The following TMEM132C variants were observed in gnomAD, a reference collection of about 807,000 sequenced individuals.
TMEM132C encodes the protein protein phosphatase 1, regulatory subunit 152.
In TMEM132C, 29 loss-of-function variants were observed where a neutral mutation model predicts 61.4. That is an observed-to-expected ratio of 0.47 (90% CI 0.35 to 0.64). TMEM132C has a LOEUF of 0.64. Among genes scored for constraint, TMEM132C ranks in the 30% least tolerant of loss-of-function variants. The pLI is 0.00. For synonymous variants in TMEM132C, 656 were observed against 633.1 expected, an observed-to-expected ratio of 1.04 and a Z score of -0.54; for missense variants, 1,408 against 1,476.9, an observed-to-expected ratio of 0.95 and a Z score of 0.76.
intron 8 of TMEM132C, among the ~76,000 whole-genome samples, chr12:128,698,775 C>A (rs938272690): frequency 6.6e-6 from 1 of 152,188 alleles, no homozygotes; most frequent in Non-Finnish European, 1.5e-5. Flanking sequence ...AATAGGCAGG[C>A]GGTCTGGGGA....
In TMEM132C at chr12:128,705,349, A is replaced by T; in HGVS notation, c.2381A>T (p.Asn794Ile). 3.2e-6 allele frequency: 5 copies of T among 1,551,466 alleles called. No individual in the cohort carries two copies. Among genetic ancestry groups the T allele is most frequent in the Non-Finnish European group, 4.4e-6 (5 of 1,146,938 alleles). Residue 794 changes from asparagine to isoleucine, a missense_variant, in exon 9 of 9, where the codon AAC becomes ATC. Asn to Ile is a moderately radical substitution (Grantham distance 149). Transcript: ENST00000435159. ...AGCATCCTGGCTGTGGGCGTCGGCA[A>T]CGTCAGGGTCAAGTTCGGACAGAAC... ...RKSILAVGVG[N>I]VRVKFGQNDA...
At chr12:128,335,555 C>T (rs1319438262) in intron 1 of TMEM132C, among the ~76,000 whole-genome samples, 1 of 152,194 alleles carries the variant, frequency 6.6e-6, no homozygotes, top group Non-Finnish European at 1.5e-5. Context: ...GACAGCACTC[C>T]TGCCTGAATA....
intron 2 of TMEM132C, among the ~76,000 whole-genome samples, chr12:128,456,264 G>T (rs1471942565): frequency 2.0e-5 from 3 of 151,142 alleles, no homozygotes; most frequent in African/African-American, 7.3e-5. Flanking sequence ...AGATGTTTGC[G>T]TGATTTGCGT....
chr12:128,646,565 A>C (rs1253694232), intron 4 of TMEM132C, among the ~76,000 whole-genome samples: 2 of 131,852 alleles, frequency 1.5e-5, no homozygotes, highest in Non-Finnish European at 3.1e-5. Flanking sequence ...ATTGGATATG[A>C]GTGTGTTTAC....
rs200055238 is a variant in TMEM132C, at chr12:128,521,307, GTATA to G, written c.975-22640_975-22637del. On this transcript the variant is annotated intron_variant, in intron 2 of 8. Coordinates refer to ENST00000435159, the MANE Select transcript of TMEM132C (RefSeq NM_001136103.3). ...GACATCTGTGCTTCTGTATATATGTGTATATATATATATGTGTGTGTGTGTGTGT... is the reference window on the plus strand; with the variant it reads ...GACATCTGTGCTTCTGTATATATGTGTATATATATGTGTGTGTGTGTGTGT... Among the ~76,000 whole-genome samples, 337 of 147,712 alleles carry G rather than the reference GTATA, an allele frequency of 2.3e-3. 7 individuals are homozygous for G. In the East Asian group the frequency reaches 0.049, roughly 21 times the overall value.
At chr12:128,372,318 A>C (rs987512171) in intron 1 of TMEM132C, among the ~76,000 whole-genome samples, 1 of 152,202 alleles carries the variant, frequency 6.6e-6, no homozygotes, top group Non-Finnish European at 1.5e-5. Flanking sequence ...TCTGTGAGTT[A>C]GTTTCAGTGA....
rs1008723724 is a variant in TMEM132C at position 128,705,543 on chromosome 12, A to G, written c.2575A>G (p.Thr859Ala). The change falls in exon 9 of 9, where the codon ACG becomes GCG. Residue 859 changes from threonine to alanine, a missense_variant. Physicochemically the swap from Thr to Ala is moderately conservative, Grantham distance 58. Transcript: ENST00000435159. ...AGGGGCTCTCCGAAGAGCCACTACC[A>G]CGGCCAGGTCCCTGCTGGACAACAA... is the stretch of plus-strand genomic sequence containing the variant. Reference protein sequence around the residue: ...EEGALRRATTTARSLLDNKVV... With the variant: ...EEGALRRATTAARSLLDNKVV... 1.3e-6 allele frequency: 2 copies of G among 1,550,978 alleles called. No individual in the cohort carries two copies. Among genetic ancestry groups the G allele is most frequent in the African/African-American group, 2.7e-5 (2 of 73,056 alleles).
chr12:128,658,207 T>C (rs1954347758), intron 4 of TMEM132C, among the ~76,000 whole-genome samples: 1 of 141,478 alleles, frequency 7.1e-6, no homozygotes, highest in Non-Finnish European at 1.5e-5. Flanking sequence ...GCAGCTCCCA[T>C]GGAGGCCACA....
intron 3 of TMEM132C, 72 bp from the exon 4 acceptor site, chr12:128,616,080 C>G: frequency 6.8e-7 from 1 of 1,469,980 alleles, no homozygotes; most frequent in South Asian, 1.4e-5. Flanking sequence ...TTATCTTCTG[C>G]GTACTATTAT....
intron 2 of TMEM132C, among the ~76,000 whole-genome samples, chr12:128,448,412 A>G (rs1870063650): frequency 6.6e-6 from 1 of 152,196 alleles, no homozygotes; most frequent in South Asian, 2.1e-4. Flanking sequence ...CCAGTCAGCT[A>G]GGCAGCTCTG....
At chr12:128,656,922 G>A (rs1954331066) in intron 4 of TMEM132C, among the ~76,000 whole-genome samples, 2 of 152,120 alleles carry the variant, frequency 1.3e-5, no homozygotes, top group African/African-American at 4.8e-5. Context: ...TATTTTCCTA[G>A]CCCCTGCCTT....
At chr12:128,318,373 A>G (rs1251849579) in intron 1 of TMEM132C, among the ~76,000 whole-genome samples, 1 of 152,160 alleles carries the variant, frequency 6.6e-6, no homozygotes, top group South Asian at 2.1e-4. Flanking sequence ...CATGTAACCA[A>G]CCTACTGGCT....
intron 2 of TMEM132C, among the ~76,000 whole-genome samples, chr12:128,539,391 C>T (rs1203993203): frequency 2.0e-5 from 3 of 152,084 alleles, no homozygotes; most frequent in South Asian, 2.1e-4. Context: ...CCGAGGTGGG[C>T]GGATCACAAG....
intron 5 of TMEM132C, among the ~76,000 whole-genome samples, chr12:128,672,147 G>A (rs1954538359): frequency 6.6e-6 from 1 of 151,632 alleles, no homozygotes. Context: ...TTTACACTAA[G>A]TCTTTGAAAT....
At chr12:128,516,453 T>A (rs1252256651) in intron 2 of TMEM132C, among the ~76,000 whole-genome samples, 1 of 152,094 alleles carries the variant, frequency 6.6e-6, no homozygotes, top group Non-Finnish European at 1.5e-5. Flanking sequence ...GGACACAGGA[T>A]GGCTCTAGGA....
chr12:128,703,097 ATCCTGCC>A (rs1317921850), intron 8 of TMEM132C, among the ~76,000 whole-genome samples: 1 of 151,916 alleles, frequency 6.6e-6, no homozygotes, highest in African/African-American at 2.4e-5. Flanking sequence ...TCCAGCCCTG[ATCCTGCC>A]TCTTCCTAAC....
chr12:128,374,353 C>T (rs923369842), intron 1 of TMEM132C, among the ~76,000 whole-genome samples: 2 of 152,090 alleles, frequency 1.3e-5, no homozygotes, highest in East Asian at 1.9e-4. Flanking sequence ...TTGGGGTTTG[C>T]GCTTTGTTGT....
chr12:128,394,590 CCTT>C (rs1336072129), intron 1 of TMEM132C, among the ~76,000 whole-genome samples: 8 of 152,204 alleles, frequency 5.3e-5, no homozygotes, highest in East Asian at 1.9e-4. Flanking sequence ...TCTAGTGACT[CCTT>C]CTTGTCACAG....
At chr12:128,534,386 A>G (rs1873444227) in intron 2 of TMEM132C, among the ~76,000 whole-genome samples, 1 of 152,208 alleles carries the variant, frequency 6.6e-6, no homozygotes, top group Non-Finnish European at 1.5e-5. Context: ...AGTACTGGGA[A>G]CAGTTGGTGC....
Sources: gnomAD v4.1 joint callset for allele counts (sites outside exome capture counted in the v4.1 genomes callset) on GRCh38, gnomAD v4.1.1 for gene constraint, MANE v1.5 for transcripts, NCBI Gene and HGNC (gene_info 2026-07-23, HGNC 2026-07-21) for gene names.